Variants in RHOBTB3 observed in about 807,000 individuals in gnomAD.
RHOBTB3 encodes the protein rho-related BTB domain-containing protein 3.
A neutral mutation model predicts 67.2 loss-of-function variants in RHOBTB3; 47 were observed. The ratio of observed to expected loss-of-function variants is 0.70; its 90% CI spans 0.55 to 0.89. The LOEUF (loss-of-function observed/expected upper bound fraction) is 0.89, where lower values mean the gene tolerates loss of function less well. Ranked by LOEUF, RHOBTB3 falls within the 40% of genes least tolerant of loss-of-function variation. RHOBTB3 has a pLI of 0.00. For missense variants in RHOBTB3, 631 were observed against 750.0 expected, an observed-to-expected ratio of 0.84 and a Z score of 1.85; for synonymous variants, 273 against 274.2, an observed-to-expected ratio of 1.00 and a Z score of 0.04.
chr5:95,792,853 T>C (rs564680077), intron 11 of RHOBTB3, among the ~76,000 whole-genome samples: 2 of 151,444 alleles, frequency 1.3e-5, no homozygotes, highest in East Asian at 1.9e-4. Flanking sequence ...GGACAAGATA[T>C]ATATAATTGT....
intron 2 of RHOBTB3, among the ~76,000 whole-genome samples, chr5:95,736,589 T>C (rs1056604556): frequency 6.6e-6 from 1 of 152,176 alleles, no homozygotes; most frequent in African/African-American, 2.4e-5. Context: ...GATAAAAATA[T>C]AGTGTAATTT....
At chr5:95,765,040 G>C (rs1301130765) in intron 7 of RHOBTB3, among the ~76,000 whole-genome samples, 1 of 151,982 alleles carries the variant, frequency 6.6e-6, no homozygotes, top group Non-Finnish European at 1.5e-5. Flanking sequence ...TAGTTGTCTT[G>C]ATTAACTTGT....
intron 8 of RHOBTB3, among the ~76,000 whole-genome samples, chr5:95,778,118 C>CA (rs531257016): frequency 0.039 from 5,349 of 136,370 alleles, 145 homozygotes; most frequent in South Asian, 0.11. Context: ...GACTCTATCT[C>CA]AAAAAAAAAA....
intron 7 of RHOBTB3, among the ~76,000 whole-genome samples, chr5:95,764,484 G>C (rs1422539289): frequency 6.6e-6 from 1 of 152,140 alleles, no homozygotes; most frequent in Non-Finnish European, 1.5e-5. Context: ...CCATAGACTG[G>C]TGCACATTAA....
At chr5:95,723,293 G>A (rs1266917053) in intron 1 of RHOBTB3, among the ~76,000 whole-genome samples, 1 of 152,224 alleles carries the variant, frequency 6.6e-6, no homozygotes, top group African/African-American at 2.4e-5. Flanking sequence ...CGGCCCTTAG[G>A]CCACAGGTTG....
At chr5:95,740,738 C>T (rs1002459237) in intron 3 of RHOBTB3, among the ~76,000 whole-genome samples, 3 of 152,182 alleles carry the variant, frequency 2.0e-5, no homozygotes, top group African/African-American at 7.2e-5. Context: ...CAAGTCAGAT[C>T]ATGGCGCTCA....
chr5:95,723,664 T>G (rs1754963320), intron 1 of RHOBTB3, among the ~76,000 whole-genome samples: 1 of 152,240 alleles, frequency 6.6e-6, no homozygotes, highest in South Asian at 2.1e-4. Context: ...TTCACAGAGC[T>G]GATTTCTAGG....
chr5:95,726,224 G>GT (rs1222569224), upstream of RHOBTB3, among the ~76,000 whole-genome samples: 6 of 152,110 alleles, frequency 3.9e-5, no homozygotes, highest in Admixed American at 3.3e-4. Flanking sequence ...GAATGCAGTT[G>GT]TTTTTTTCCA....
At chr5:95,764,977 A>G (rs1187620739) in intron 7 of RHOBTB3, among the ~76,000 whole-genome samples, 1 of 152,156 alleles carries the variant, frequency 6.6e-6, no homozygotes, top group Non-Finnish European at 1.5e-5. Context: ...CTAAATAATC[A>G]TTTGTAAAAA....
chr5:95,791,441 G>A (rs1746388040), intron 11 of RHOBTB3, among the ~76,000 whole-genome samples: 1 of 152,132 alleles, frequency 6.6e-6, no homozygotes, highest in Admixed American at 6.5e-5. Flanking sequence ...TTGTTTTGCT[G>A]GCTGCCAGAG....
At chr5:95,738,993 C>T (rs752192051) in intron 3 of RHOBTB3, among the ~76,000 whole-genome samples, 56 of 152,306 alleles carry the variant, frequency 3.7e-4, no homozygotes, top group Admixed American at 2.0e-4. Flanking sequence ...AGGGTTCCGT[C>T]CTTTGACCTC....
At chr5:95,750,290 G>A (rs1294121349) in intron 4 of RHOBTB3, among the ~76,000 whole-genome samples, 4 of 152,278 alleles carry the variant, frequency 2.6e-5, no homozygotes, top group African/African-American at 4.8e-5. Flanking sequence ...CCATCTGTCC[G>A]TCCTCCAGTT....
rs1391053921 is a variant in RHOBTB3 at position 95,718,153 on chromosome 5, T to G, written n.133+388T>G. On this transcript the variant is annotated intron_variant and non_coding_transcript_variant, in intron 1 of 5. Transcript: ENST00000504949. Reference sequence around the variant, plus strand: ...AAATAAACCTGAACTAAAAGATACTTTCCCTCTTTTTTTTTCTTTTAAAAA... The same window carrying G: ...AAATAAACCTGAACTAAAAGATACTGTCCCTCTTTTTTTTTCTTTTAAAAA... 3.3e-5 allele frequency among the ~76,000 whole-genome samples: 5 copies of G among 152,304 alleles called. No individual in the cohort carries two copies. In the East Asian group the frequency reaches 9.6e-4, roughly 29 times the overall value.
At chr5:95,788,725 A>T (rs754504867) in intron 10 of RHOBTB3, 37 bp from the exon 11 acceptor site, 8 of 1,347,306 alleles carry the variant, frequency 5.9e-6, no homozygotes, top group African/African-American at 1.5e-5. Context: ...AGTGGCCATT[A>T]TGTGCAATAT....
At chr5:95,790,809 T>C (rs1746360044) in intron 11 of RHOBTB3, among the ~76,000 whole-genome samples, 1 of 152,222 alleles carries the variant, frequency 6.6e-6, no homozygotes, top group Non-Finnish European at 1.5e-5. Context: ...TGGCCATCTA[T>C]GGTTTAGGTG....
At chr5:95,744,702 CTG>C (rs1192379462) in intron 3 of RHOBTB3, among the ~76,000 whole-genome samples, 2 of 152,136 alleles carry the variant, frequency 1.3e-5, no homozygotes, top group Admixed American at 6.5e-5. Flanking sequence ...ATACATGAAA[CTG>C]TGTTGGGTGC....
chr5:95,721,531 T>C (rs1754876582), intron 1 of RHOBTB3, among the ~76,000 whole-genome samples: 1 of 151,916 alleles, frequency 6.6e-6, no homozygotes, highest in Admixed American at 6.6e-5. Flanking sequence ...AAGAAACTAG[T>C]AGTATAGCTG....
At chr5:95,790,703 C>A (rs1043452943) in intron 11 of RHOBTB3, among the ~76,000 whole-genome samples, 1 of 152,102 alleles carries the variant, frequency 6.6e-6, no homozygotes, top group African/African-American at 2.4e-5. Flanking sequence ...TCTTCCTGTC[C>A]AGGGTCCTGC....
chr5:95,752,843 C>T (rs181143294), intron 5 of RHOBTB3, among the ~76,000 whole-genome samples: 4 of 151,974 alleles, frequency 2.6e-5, no homozygotes, highest in African/African-American at 7.3e-5. Context: ...TGAAGGTGAA[C>T]GTAGAGTCCC....
Sources: allele counts gnomAD v4.1 joint callset (sites outside exome capture counted in the v4.1 genomes callset), GRCh38; gene constraint gnomAD v4.1.1; transcripts MANE v1.5; gene names NCBI Gene and HGNC (gene_info 2026-07-23, HGNC 2026-07-21).